The following VAV3 variants were observed in gnomAD, a reference collection of about 807,000 sequenced individuals.
VAV3 encodes guanine nucleotide exchange factor VAV3.
VAV3 carries 94 observed loss-of-function variants against 131.2 expected under a neutral mutation model. The ratio of observed to expected loss-of-function variants is 0.72; its 90% confidence interval spans 0.61 to 0.85. The LOEUF (loss-of-function observed/expected upper bound fraction) is 0.85. Among genes scored for constraint, VAV3 ranks in the 40% least tolerant of loss-of-function variants. The pLI is 0.00. For missense variants in VAV3, 939 were observed against 1,002.7 expected, an observed-to-expected ratio of 0.94 and a Z score of 0.86; for synonymous variants, 349 against 342.0, an observed-to-expected ratio of 1.02 and a Z score of -0.22.
At chr1:107,924,336 T>C (rs1045941967) in intron 1 of VAV3, among the ~76,000 whole-genome samples, 3 of 151,796 alleles carry the variant, frequency 2.0e-5, no homozygotes, top group Admixed American at 6.6e-5. Context: ...GAATTTTGAA[T>C]GTTACTAAAT....
chr1:107,670,568 T>C (rs1414253535), intron 19 of VAV3, among the ~76,000 whole-genome samples: 1 of 152,198 alleles, frequency 6.6e-6, no homozygotes, highest in African/African-American at 2.4e-5. Context: ...TGGTGATTAA[T>C]GAACTCCTTT....
intron 2 of VAV3, among the ~76,000 whole-genome samples, chr1:107,840,497 C>A (rs905292642): frequency 6.6e-6 from 1 of 152,180 alleles, no homozygotes; most frequent in African/African-American, 2.4e-5. Context: ...GCCACAAATG[C>A]TCCATTCCAG....
chr1:107,822,717 C>T (rs1667852929), intron 2 of VAV3, among the ~76,000 whole-genome samples: 2 of 151,254 alleles, frequency 1.3e-5, no homozygotes, highest in African/African-American at 2.4e-5. Flanking sequence ...ATGATCTCTT[C>T]GAAAAAATGG....
intron 25 of VAV3, among the ~76,000 whole-genome samples, chr1:107,593,170 T>A (rs1651100817): frequency 1.3e-5 from 2 of 152,146 alleles, no homozygotes. Flanking sequence ...TGCCCAATAC[T>A]TTGGACACTT....
rs553443781 is a variant in VAV3 at position 107,783,576 on chromosome 1, C to T, written c.322-4084G>A. On this transcript the variant is annotated intron_variant, in intron 2 of 26. Transcript: ENST00000370056. ...TGCTTCCAAGCAAGAAGCCCTTGTTCTCTCTGTGTCTTCTACATGGTGGAC... is the reference window on the plus strand; with the variant it reads ...TGCTTCCAAGCAAGAAGCCCTTGTTTTCTCTGTGTCTTCTACATGGTGGAC... 3.9e-5 allele frequency among the ~76,000 whole-genome samples: 6 copies of T among 152,264 alleles called. No homozygotes were observed. In the East Asian group the frequency reaches 9.7e-4, roughly 25 times the overall value.
intron 1 of VAV3, among the ~76,000 whole-genome samples, chr1:107,933,458 T>C (rs1423628317): frequency 6.6e-6 from 1 of 152,124 alleles, no homozygotes; most frequent in East Asian, 1.9e-4. Context: ...ACTTCAAGGT[T>C]AGCAATTAGA....
chr1:107,598,634 A>AAGTTTGT (rs138893268), intron 24 of VAV3, among the ~76,000 whole-genome samples: 159 of 152,344 alleles, frequency 1.0e-3, no homozygotes, highest in African/African-American at 3.8e-3. Context: ...GACCATGTAG[A>AAGTTTGT]AGTTTGTATC....
chr1:107,964,732 C>G lies in VAV3; in HGVS notation c.138G>C (p.Leu46=), dbSNP rs1272127128. The part of the protein sequence containing the change: ...TLRDGVLLCQ[L]LNNLRAHSIN... ...TGGAGTGCGCCCGGAGGTTGTTAAG[C>G]AGCTGGCAGAGCAGGACTCCATCGC... is the stretch of plus-strand genomic sequence containing the variant. The change falls in exon 1 of 27, where the codon CTG becomes CTC. Residue 46 remains leucine (L), a synonymous_variant. Coordinates refer to ENST00000370056, the MANE Select transcript of VAV3 (RefSeq NM_006113.5). 1 of 1,614,000 alleles carries G rather than the reference C, an allele frequency of 6.2e-7. No individual in the cohort carries two copies. The highest frequency in any genetic ancestry group is 1.3e-5 in the African/African-American group (1 of 74,934).
rs117788668 is a variant in VAV3 at position 107,912,534 on chromosome 1, C to T, written c.205-37517G>A. The stretch of plus-strand genomic sequence containing the variant: ...ACCCCAGGACTCTGGCCTGCTGGGA[C>T]AAATGGTAGAGAGAAAAGCCTGAGA... On this transcript the variant is annotated intron_variant, in intron 1 of 26. Transcript: ENST00000370056. Among the ~76,000 whole-genome samples, 48 of 152,294 alleles carry T rather than the reference C, an allele frequency of 3.2e-4. 2 individuals carry two copies. In the East Asian group the frequency reaches 8.5e-3, roughly 27 times the overall value.
At position 107,768,529 on chromosome 1, in the gene VAV3, A is replaced by C. The variant is rs759434602; in HGVS notation, c.649-20T>G. The stretch of plus-strand genomic sequence containing the variant: ...GAAATACTACCAGGAAAGAAGAAGA[A>C]AATAGTAATTAAGTATAACTTGTCC... On this transcript the variant is annotated intron_variant, in intron 6 of 26. Coordinates refer to ENST00000370056, the MANE Select transcript of VAV3 (RefSeq NM_006113.5). 7.5e-6 allele frequency: 12 copies of C among 1,590,170 alleles called. No homozygotes were observed. The highest frequency in any genetic ancestry group is 3.3e-5 in the South Asian group (3 of 89,734).
intron 19 of VAV3, among the ~76,000 whole-genome samples, chr1:107,682,794 TCGTGTATTTGGAATC>T (rs1406190038): frequency 6.6e-6 from 1 of 152,252 alleles, no homozygotes; most frequent in Non-Finnish European, 1.5e-5. Flanking sequence ...ATCATCAAGT[TCGTGTATTTGGAATC>T]CTTTAACTGT....
chr1:107,623,233 T>C (rs964598343), intron 20 of VAV3, among the ~76,000 whole-genome samples: 1 of 152,218 alleles, frequency 6.6e-6, no homozygotes, highest in Non-Finnish European at 1.5e-5. Context: ...AAAACAGGGA[T>C]GATGACAAGA....
At chr1:107,674,031 T>C (rs1482411806) in intron 19 of VAV3, among the ~76,000 whole-genome samples, 1 of 152,254 alleles carries the variant, frequency 6.6e-6, no homozygotes, top group Admixed American at 6.5e-5. Flanking sequence ...ATATCTATTG[T>C]ATTTCTGTCA....
chr1:107,633,559 CTG>C (rs1287544746), intron 20 of VAV3, among the ~76,000 whole-genome samples: 5 of 152,134 alleles, frequency 3.3e-5, no homozygotes, highest in Non-Finnish European at 7.3e-5. Flanking sequence ...CTGTGGCACA[CTG>C]TTATTTTGGT....
intron 22 of VAV3, among the ~76,000 whole-genome samples, chr1:107,605,008 C>T (rs966957380): frequency 6.6e-6 from 1 of 152,192 alleles, no homozygotes; most frequent in African/African-American, 2.4e-5. Flanking sequence ...GTTCCTCACT[C>T]TTGTCTTTCT....
At chr1:107,836,744 C>A (rs947639010) in intron 2 of VAV3, among the ~76,000 whole-genome samples, 1 of 152,042 alleles carries the variant, frequency 6.6e-6, no homozygotes, top group Non-Finnish European at 1.5e-5. Flanking sequence ...TACCACTGAT[C>A]CTACCAAAAC....
chr1:107,865,363 A>C (rs1237854020), intron 2 of VAV3, among the ~76,000 whole-genome samples: 2 of 152,172 alleles, frequency 1.3e-5, no homozygotes, highest in African/African-American at 4.8e-5. Context: ...GCTCTGGATA[A>C]AGCACATAAT....
intron 2 of VAV3, among the ~76,000 whole-genome samples, chr1:107,865,503 T>C (rs575431139): frequency 3.9e-5 from 6 of 152,264 alleles, no homozygotes; most frequent in African/African-American, 1.4e-4. Context: ...TATTAATCAA[T>C]ATTAATCTGG....
chr1:107,711,159 C>G (rs1485560248), intron 15 of VAV3, among the ~76,000 whole-genome samples: 1 of 152,018 alleles, frequency 6.6e-6, no homozygotes, highest in Non-Finnish European at 1.5e-5. Flanking sequence ...TCAGGAAAAA[C>G]TAAGAGAAGA....
Sources: gnomAD v4.1 joint callset for allele counts (sites outside exome capture counted in the v4.1 genomes callset) on GRCh38, gnomAD v4.1.1 for gene constraint, MANE v1.5 for transcripts, NCBI Gene and HGNC (gene_info 2026-07-23, HGNC 2026-07-21) for gene names.